Variants in DGKB observed in about 807,000 individuals in gnomAD.
DGKB encodes 90 kDa diacylglycerol kinase.
In DGKB, 67 loss-of-function variants were observed where a neutral mutation model predicts 114.3. The observed-to-expected ratio is 0.59, with a 90% CI of 0.48 to 0.72. The LOEUF is 0.72. Ranked by LOEUF, DGKB falls within the 30% of genes least tolerant of loss-of-function variation. The pLI, the probability that DGKB is intolerant of heterozygous loss-of-function variation, is 0.00. For synonymous variants in DGKB, 398 were observed against 323.1 expected (o/e 1.23, Z -2.49); for missense variants, 907 against 975.2 (o/e 0.93, Z 0.93).
chr7:14,553,959 G>A (rs373019194), intron 20 of DGKB, among the ~76,000 whole-genome samples: 3 of 131,034 alleles, frequency 2.3e-5, no homozygotes, highest in African/African-American at 5.7e-5. Context: ...TGCAAGCTCC[G>A]CCTCCCGGGT....
At chr7:14,253,058 G>T (rs1795465520) in intron 23 of DGKB, among the ~76,000 whole-genome samples, 1 of 150,838 alleles carries the variant, frequency 6.6e-6, no homozygotes, top group Non-Finnish European at 1.5e-5. Context: ...TTTTAGAGGG[G>T]GAGTCTCGCT....
At chr7:14,204,751 A>G (rs1411100762) in intron 23 of DGKB, among the ~76,000 whole-genome samples, 2 of 152,036 alleles carry the variant, frequency 1.3e-5, no homozygotes, top group Non-Finnish European at 2.9e-5. Flanking sequence ...CTCCACATTG[A>G]AAAAGGGATG....
chr7:14,367,029 A>C (rs1274442328), intron 21 of DGKB, among the ~76,000 whole-genome samples: 1 of 152,100 alleles, frequency 6.6e-6, no homozygotes, highest in Non-Finnish European at 1.5e-5. Context: ...ACTACACTTC[A>C]GGTTTTGAAT....
In DGKB at chr7:14,841,410, A is replaced by C; in HGVS notation, c.-147T>G. ...AAAATATGCAATCTGTCCACATGAA[A>C]CTGCTTTGGATGCTTGTAATTTCAA... On this transcript the variant is annotated 5_prime_UTR_variant, in exon 2 of 26. Transcript: ENST00000402815. 1 of 565,486 alleles carries C rather than the reference A, an allele frequency of 1.8e-6. No individual in the cohort carries two copies. The highest frequency in any genetic ancestry group is 3.1e-6 in the Non-Finnish European group (1 of 327,578). 35.0% of individuals were successfully genotyped at this position (565,486 alleles called of 1,614,324 possible). A position where few individuals can be genotyped will look rare whatever the true frequency, so the allele number is the denominator to read the frequency against.
intron 1 of DGKB, among the ~76,000 whole-genome samples, chr7:14,863,503 G>A (rs1851277397): frequency 6.6e-6 from 1 of 151,668 alleles, no homozygotes; most frequent in Non-Finnish European, 1.5e-5. Flanking sequence ...CTTTAATATA[G>A]GAGAAAGTAG....
At chr7:14,844,611 C>T (rs1000296983) in intron 1 of DGKB, among the ~76,000 whole-genome samples, 1 of 152,114 alleles carries the variant, frequency 6.6e-6, no homozygotes, top group African/African-American at 2.4e-5. Context: ...GTTGTGATAG[C>T]TTCTTAACTC....
chr7:14,787,213 T>C (rs1230212556), intron 2 of DGKB, among the ~76,000 whole-genome samples: 1 of 152,190 alleles, frequency 6.6e-6, no homozygotes, highest in Non-Finnish European at 1.5e-5. Flanking sequence ...GACACAATTT[T>C]ATAGCGGAGT....
At chr7:14,878,615 G>C (rs1394854838) in intron 1 of DGKB, among the ~76,000 whole-genome samples, 1 of 151,766 alleles carries the variant, frequency 6.6e-6, no homozygotes, top group Non-Finnish European at 1.5e-5. Flanking sequence ...TGGGCGTAGT[G>C]GCGGGCGCCT....
chr7:14,168,532 A>G (rs1293260142), intron 25 of DGKB, among the ~76,000 whole-genome samples: 2 of 152,252 alleles, frequency 1.3e-5, no homozygotes, highest in African/African-American at 2.4e-5. Flanking sequence ...GCTGAAAACT[A>G]AAGACAAAGA....
At chr7:14,262,914 AC>A (rs1003278536) in intron 23 of DGKB, among the ~76,000 whole-genome samples, 1 of 151,982 alleles carries the variant, frequency 6.6e-6, no homozygotes, top group Admixed American at 6.6e-5. Context: ...AATCATTCCC[AC>A]CAAGAGGTAG....
chr7:14,913,456 T>C (rs1293291419), intron 1 of DGKB, among the ~76,000 whole-genome samples: 1 of 149,158 alleles, frequency 6.7e-6, no homozygotes, highest in Non-Finnish European at 1.5e-5. Flanking sequence ...TACCTTTGAG[T>C]AAGAAAATTG....
chr7:14,255,899 C>G (rs948441318), intron 23 of DGKB, among the ~76,000 whole-genome samples: 7 of 152,294 alleles, frequency 4.6e-5, no homozygotes, highest in Admixed American at 4.6e-4. Flanking sequence ...GCAAAGATCA[C>G]TGAGGTCCTA....
chr7:14,494,449 C>T (rs1785018926), intron 20 of DGKB, among the ~76,000 whole-genome samples: 1 of 151,824 alleles, frequency 6.6e-6, no homozygotes, highest in Admixed American at 6.6e-5. Context: ...ACCCTACCCA[C>T]CAAAAGAAAT....
At chr7:14,920,015 T>C (rs890832805) in intron 1 of DGKB, among the ~76,000 whole-genome samples, 1 of 152,204 alleles carries the variant, frequency 6.6e-6, no homozygotes, top group African/African-American at 2.4e-5. Context: ...CTGTCTCAGG[T>C]ATTCATTTAT....
intron 5 of DGKB, among the ~76,000 whole-genome samples, chr7:14,735,110 C>A (rs1831516510): frequency 6.6e-6 from 1 of 152,112 alleles, no homozygotes; most frequent in African/African-American, 2.4e-5. Context: ...ATGTCCACAC[C>A]AACAAAAGCA....
chr7:14,949,339 C>T (rs74520810), intron 1 of DGKB, among the ~76,000 whole-genome samples: 6,021 of 151,828 alleles, frequency 0.04, 353 homozygotes, highest in African/African-American at 0.13. Context: ...TAAATTGGTA[C>T]GAGTATTTTG....
chr7:14,330,238 C>T (rs1809486677), intron 23 of DGKB, among the ~76,000 whole-genome samples: 1 of 151,922 alleles, frequency 6.6e-6, no homozygotes, highest in South Asian at 2.1e-4. Flanking sequence ...TTCCTTTTTC[C>T]CTTGCAACTA....
chr7:14,579,457 T>G (rs933210107), intron 19 of DGKB, among the ~76,000 whole-genome samples: 1 of 152,222 alleles, frequency 6.6e-6, no homozygotes, highest in Non-Finnish European at 1.5e-5. Context: ...TTATTAATTT[T>G]CATATACATC....
chr7:14,579,182 C>T lies in DGKB; in HGVS notation c.1609+1680G>A, dbSNP rs146313371. The stretch of plus-strand genomic sequence containing the variant: ...TCAATTTATTTTCAATTATACTCAA[C>T]GAAAATGTAATCTCCAGAAGGATAG... On this transcript the variant is annotated intron_variant, in intron 19 of 25. Transcript: ENST00000402815. Among the ~76,000 whole-genome samples the T allele has an allele frequency of 6.2e-3, 942 of 152,192 alleles. 12 individuals are homozygous for T. Among genetic ancestry groups the T allele is most frequent in the Non-Finnish European group, 7.5e-3 (509 of 68,016 alleles).
Sources: allele counts gnomAD v4.1 joint callset (sites outside exome capture counted in the v4.1 genomes callset), GRCh38; gene constraint gnomAD v4.1.1; transcripts MANE v1.5; gene names NCBI Gene and HGNC (gene_info 2026-07-23, HGNC 2026-07-21).